The following KCNQ3 variants were observed in gnomAD, a reference collection of about 807,000 sequenced individuals.
KCNQ3 encodes potassium voltage-gated channel subfamily KQT member 3.
A neutral mutation model predicts 92.5 loss-of-function variants in KCNQ3; 30 were observed. The observed-to-expected ratio is 0.32, with a 90% CI of 0.24 to 0.44. KCNQ3 has a LOEUF of 0.44. Ranked by LOEUF, KCNQ3 falls within the 20% of genes least tolerant of loss-of-function variation. The probability of loss-of-function intolerance (pLI) is 1.00; values close to 1 mark genes in which losing one functional copy is unlikely to be tolerated. For missense variants in KCNQ3, 913 were observed against 1,140.3 expected, an observed-to-expected ratio of 0.80 and a Z score of 2.87; for synonymous variants, 450 against 468.8, an observed-to-expected ratio of 0.96 and a Z score of 0.52.
At chr8:132,425,370 CA>C (rs1821081866) in intron 1 of KCNQ3, among the ~76,000 whole-genome samples, 1 of 152,176 alleles carries the variant, frequency 6.6e-6, no homozygotes, top group Non-Finnish European at 1.5e-5. Flanking sequence ...TGCCTTGAGA[CA>C]AGTAAATTCT....
intron 1 of KCNQ3, among the ~76,000 whole-genome samples, chr8:132,380,219 C>T (rs529659015): frequency 9.9e-5 from 15 of 152,168 alleles, no homozygotes; most frequent in African/African-American, 2.2e-4. Context: ...TGTCTGCACC[C>T]GGCACACAGC....
chr8:132,162,692 G>T (rs1451411856), intron 9 of KCNQ3, among the ~76,000 whole-genome samples: 2 of 152,172 alleles, frequency 1.3e-5, no homozygotes, highest in African/African-American at 4.8e-5. Context: ...GTCAGTAATT[G>T]TCTCTTCCAA....
chr8:132,475,146 G>T (rs1246177161), intron 1 of KCNQ3, among the ~76,000 whole-genome samples: 4 of 152,186 alleles, frequency 2.6e-5, no homozygotes, highest in Non-Finnish European at 5.9e-5. Flanking sequence ...CAGCCATGCA[G>T]AACTGTGAGT....
intron 1 of KCNQ3, among the ~76,000 whole-genome samples, chr8:132,257,159 A>G (rs1431507607): frequency 2.0e-5 from 3 of 152,168 alleles, no homozygotes; most frequent in South Asian, 2.1e-4. Context: ...AAACTATTAA[A>G]ATGAAATTGA....
Position 132,480,591 on chromosome 8 carries a change from G to A in KCNQ3, c.-59C>T. On this transcript the variant is annotated 5_prime_UTR_variant, in exon 1 of 15. Coordinates refer to ENST00000388996, the MANE Select transcript of KCNQ3 (RefSeq NM_004519.4). ...CGCTGCTGCTCTGGGAAGAAGGGGCGCTCGGGGTGCGTGAACGAGGCGGCG... is the reference window on the plus strand; with the variant it reads ...CGCTGCTGCTCTGGGAAGAAGGGGCACTCGGGGTGCGTGAACGAGGCGGCG... 1.6e-6 allele frequency: 2 copies of A among 1,235,496 alleles called. No homozygotes were observed. Among genetic ancestry groups the A allele is most frequent in the Admixed American group, 2.5e-5 (1 of 40,520 alleles). The allele number at this position is 1,235,496 out of a possible 1,614,324, so 76.5% of individuals were successfully genotyped here.
At position 132,288,632 on chromosome 8, in the gene KCNQ3, T is replaced by A. The variant is rs1230847526; in HGVS notation, c.387-102451A>T. On this transcript the variant is annotated intron_variant, in intron 1 of 14. Transcript: ENST00000388996. ...TCTGGCATTGTATTGTTTCCACTTC[T>A]CTACTCCCAAAGCCATTTGTCCCTA... 2.0e-5 allele frequency among the ~76,000 whole-genome samples: 3 copies of A among 152,190 alleles called. No homozygotes were observed. The East Asian group carries it at 5.8e-4, about 29-fold the overall frequency.
At chr8:132,367,673 T>C (rs1819361767) in intron 1 of KCNQ3, among the ~76,000 whole-genome samples, 5 of 152,230 alleles carry the variant, frequency 3.3e-5, no homozygotes, top group Admixed American at 3.3e-4. Flanking sequence ...TGGGATAAGC[T>C]AGAGGCAGCA....
chr8:132,175,116 G>A (rs1009893463), intron 5 of KCNQ3, among the ~76,000 whole-genome samples: 3 of 152,244 alleles, frequency 2.0e-5, no homozygotes, highest in African/African-American at 4.8e-5. Flanking sequence ...ACACAGGTCT[G>A]TGTGAGCACA....
Position 132,378,409 on chromosome 8 carries a change from CA to C in KCNQ3, c.386+101737del, listed in dbSNP as rs1306499171. On this transcript the variant is annotated intron_variant, in intron 1 of 14. Coordinates refer to ENST00000388996, the MANE Select transcript of KCNQ3 (RefSeq NM_004519.4). ...TCTCTCTTTAAAAAAAAAAGAAAGA[CA>C]ATACTAAAAACATTAAAAAGGAGGT... Among the ~76,000 whole-genome samples the C allele has an allele frequency of 1.1e-4, 16 of 152,010 alleles. No individual in the cohort carries two copies. In the East Asian group the frequency reaches 3.1e-3, roughly 29 times the overall value.
At position 132,480,832 on chromosome 8, in the gene KCNQ3, C is replaced by A; in HGVS notation, c.-300G>T. 1 of 159,436 alleles carries A rather than the reference C, an allele frequency of 6.3e-6. No individual in the cohort carries two copies. Among genetic ancestry groups the A allele is most frequent in the Non-Finnish European group, 1.3e-5 (1 of 75,592 alleles). 9.9% of individuals were successfully genotyped at this position (159,436 alleles called of 1,614,324 possible). On this transcript the variant is annotated 5_prime_UTR_variant, in exon 1 of 15. Coordinates refer to ENST00000388996, the MANE Select transcript of KCNQ3 (RefSeq NM_004519.4). ...AGGGCGCGCGAGGCTGGCGCGGAGG[C>A]GCTAGGGCGCGCGGCGGCGGGAGCC...
intron 1 of KCNQ3, among the ~76,000 whole-genome samples, chr8:132,281,979 C>T (rs1816536649): frequency 6.6e-6 from 1 of 152,146 alleles, no homozygotes; most frequent in South Asian, 2.1e-4. Flanking sequence ...CAATCACCTT[C>T]CTCACATTCT....
intron 1 of KCNQ3, among the ~76,000 whole-genome samples, chr8:132,333,407 T>C (rs1313578154): frequency 6.6e-6 from 1 of 152,304 alleles, no homozygotes; most frequent in African/African-American, 2.4e-5. Context: ...CTGTCCCACA[T>C]AAATGCAAAC....
chr8:132,181,549 C>T (rs1213976202), intron 3 of KCNQ3, among the ~76,000 whole-genome samples: 1 of 151,934 alleles, frequency 6.6e-6, no homozygotes, highest in Non-Finnish European at 1.5e-5. Flanking sequence ...CTATTTTTTG[C>T]AAGGGCTCCA....
intron 1 of KCNQ3, among the ~76,000 whole-genome samples, chr8:132,359,069 C>A (rs1819093207): frequency 6.6e-6 from 1 of 152,226 alleles, no homozygotes; most frequent in African/African-American, 2.4e-5. Flanking sequence ...TGGCCCCATA[C>A]TTGACCTCTC....
intron 1 of KCNQ3, among the ~76,000 whole-genome samples, chr8:132,252,999 C>T (rs1165112115): frequency 6.6e-6 from 1 of 152,220 alleles, no homozygotes; most frequent in African/African-American, 2.4e-5. Context: ...TCACCACACT[C>T]ATCAGTAGAA....
chr8:132,282,476 T>C (rs1461313355), intron 1 of KCNQ3, among the ~76,000 whole-genome samples: 1 of 152,136 alleles, frequency 6.6e-6, no homozygotes, highest in Non-Finnish European at 1.5e-5. Flanking sequence ...TTTCGTACAC[T>C]CTCCAGCATC....
intron 1 of KCNQ3, among the ~76,000 whole-genome samples, chr8:132,317,446 T>A (rs1338793411): frequency 1.3e-5 from 2 of 152,244 alleles, no homozygotes; most frequent in South Asian, 2.1e-4. Context: ...CTAGCTCACA[T>A]ACTACTTTTA....
chr8:132,328,814 A>G (rs1202121761), intron 1 of KCNQ3, among the ~76,000 whole-genome samples: 1 of 151,982 alleles, frequency 6.6e-6, no homozygotes. Flanking sequence ...TCTCATTTTT[A>G]CCTGCTCCTT....
chr8:132,186,956 C>CAGAGACAGAGAGAGAGAG (rs1826984340), intron 1 of KCNQ3, among the ~76,000 whole-genome samples: 2 of 94,184 alleles, frequency 2.1e-5, no homozygotes, highest in African/African-American at 8.8e-5. Context: ...GAGAGAGAGA[C>CAGAGACAGAGAGAGAGAG]AGAGAGAGAG....
Sources: gnomAD v4.1 joint callset for allele counts (sites outside exome capture counted in the v4.1 genomes callset) on GRCh38, gnomAD v4.1.1 for gene constraint, MANE v1.5 for transcripts, NCBI Gene and HGNC (gene_info 2026-07-23, HGNC 2026-07-21) for gene names.